Variants in PSG3 observed in about 807,000 individuals in gnomAD.
PSG3 encodes pregnancy specific beta-1-glycoprotein 3, also known as pregnancy-specific beta-1-glycoprotein 3.
Under a neutral mutation model 47.5 loss-of-function variants are expected in PSG3, and 61 were observed. The ratio of observed to expected loss-of-function variants is 1.28; its 90% confidence interval spans 1.05 to 1.59. The LOEUF (loss-of-function observed/expected upper bound fraction) is 1.59, where lower values mean the gene tolerates loss of function less well. Among genes scored for constraint, PSG3 ranks in the 40% most tolerant of loss-of-function variants. The pLI is 0.00. For synonymous variants in PSG3, 263 were observed against 198.4 expected (o/e 1.33, Z -2.74); for missense variants, 756 against 524.0 (o/e 1.44, Z -4.32).
chr19:42,722,453 A>G (rs1385003644), intron 6 of PSG3, among the ~76,000 whole-genome samples: 6 of 152,192 alleles, frequency 3.9e-5, no homozygotes, highest in African/African-American at 1.4e-4. Context: ...ATGGGGTTTC[A>G]CCGTGTTAGC....
intron 1 of PSG3, 133 bp from the exon 2 acceptor site, chr19:42,739,222 A>T (rs376164780): frequency 2.2e-6 from 3 of 1,349,080 alleles, no homozygotes; most frequent in Non-Finnish European, 3.0e-6. Context: ...ACAAACACAC[A>T]CACACACACA....
chr19:42,725,572 A>C lies in PSG3; in HGVS notation c.1244-1547T>G, dbSNP rs1004153957. On this transcript the variant is annotated intron_variant, in intron 5 of 6. Coordinates refer to ENST00000327495, the MANE Select transcript of PSG3 (RefSeq NM_021016.4). Reference sequence around the variant, plus strand: ...TTAAAATTCCTAAAATCAGAAATGAAAATGGACTCTGAGCATGGTGGGTCA... The same window carrying C: ...TTAAAATTCCTAAAATCAGAAATGACAATGGACTCTGAGCATGGTGGGTCA... Among the ~76,000 whole-genome samples, 110 of 152,330 alleles carry C rather than the reference A, an allele frequency of 7.2e-4. 1 individual carries two copies. Among genetic ancestry groups the C allele is most frequent in the African/African-American group, 2.6e-3 (109 of 41,574 alleles).
intron 6 of PSG3, among the ~76,000 whole-genome samples, chr19:42,722,743 A>T (rs187867720): frequency 9.2e-5 from 14 of 152,284 alleles, no homozygotes; most frequent in East Asian, 3.9e-4. Context: ...GGGCCAAAAA[A>T]GTATAGTCTT....
Position 42,729,319 on chromosome 19 carries a change from G to A in PSG3, c.1047C>T (p.Asn349=). 6.2e-7 allele frequency: 1 copy of A among 1,614,148 alleles called. No individual in the cohort carries two copies. The highest frequency in any genetic ancestry group is 2.2e-5 in the East Asian group (1 of 44,890). ...PSFTYYHSGE[N]LYLSCFADSN... ...AGTCCGCGAAGCAGGACAAGTAGAGGTTTTCTCCTGAATGGTAATAGGTGA... is the reference window on the plus strand; with the variant it reads ...AGTCCGCGAAGCAGGACAAGTAGAGATTTTCTCCTGAATGGTAATAGGTGA... The change falls in exon 5 of 7, where the codon AAC becomes AAT. Residue 349 remains asparagine, a synonymous_variant. Coordinates refer to ENST00000327495, the MANE Select transcript of PSG3 (RefSeq NM_021016.4).
At chr19:42,732,655 C>T (rs1969491213) in intron 3 of PSG3, 129 bp downstream of exon 3, 8 of 1,604,722 alleles carry the variant, frequency 5.0e-6, no homozygotes, top group Non-Finnish European at 6.8e-6. Context: ...GGCAGAAAGT[C>T]ATGGCCAGGT....
At chr19:42,730,541 G>C (rs1478049101) in intron 3 of PSG3, among the ~76,000 whole-genome samples, 1 of 152,192 alleles carries the variant, frequency 6.6e-6, no homozygotes, top group South Asian at 2.1e-4. Flanking sequence ...TGAAGATACT[G>C]AGCAGCCTGG....
chr19:42,730,251 T>C (rs1363123772), intron 3 of PSG3, among the ~76,000 whole-genome samples, 195 bp from the exon 4 acceptor site: 2 of 152,162 alleles, frequency 1.3e-5, no homozygotes, highest in Non-Finnish European at 2.9e-5. Context: ...TGCTCTGTCT[T>C]AGGGAAGCAC....
intron 2 of PSG3, among the ~76,000 whole-genome samples, chr19:42,737,265 GT>G (rs899573711): frequency 6.6e-6 from 1 of 152,312 alleles, no homozygotes; most frequent in Admixed American, 6.5e-5. Context: ...CAAGGGACAG[GT>G]GTGGCTAGAA....
At position 42,729,252 on chromosome 19, in the gene PSG3, A is replaced by T. The variant is rs144526077; in HGVS notation, c.1114T>A (p.Phe372Ile). 1 of 1,614,040 alleles carries T rather than the reference A, an allele frequency of 6.2e-7. No homozygotes were observed. The highest frequency in any genetic ancestry group is 1.1e-5 in the South Asian group (1 of 91,076). Residue 372 changes from phenylalanine (F) to isoleucine (I), a missense_variant, in exon 5 of 7, where the codon TTT (phenylalanine) becomes ATT (isoleucine). Physicochemically the swap from Phe to Ile is conservative, Grantham distance 21. Coordinates refer to ENST00000327495, the MANE Select transcript of PSG3 (RefSeq NM_021016.4). ...AAGAGCTTTTGTCCTGATAGCTGAA[A>T]CTTCCCATTAATTGTCCAAGAATAT... ...AEYSWTINGK[F>I]QLSGQKLFIP...
At chr19:42,740,266 C>A (rs1277867003) in intron 1 of PSG3, 55 bp downstream of exon 1, 1 of 1,613,518 alleles carries the variant, frequency 6.2e-7, no homozygotes, top group Admixed American at 1.7e-5. Context: ...CAGGAGACCC[C>A]ATCCAGTCAC....
rs771778877 is a variant in PSG3, at chr19:42,729,904, G to A, written c.862C>T (p.Arg288Ter). The change falls in exon 4 of 7, where the codon CGA (arginine) becomes TGA (stop). Residue 288 changes from arginine (R) to a stop codon, truncating the protein, a stop_gained. Transcript: ENST00000327495. LOFTEE classifies it high-confidence loss of function. ...ATGAGGATCCTGTTTTCAATGGGTC[G>A]CTTTACCCTGGGACTGACCGGGAGG... ...QSLPVSPRVK[R>*]PIENRILILP... The A allele has an allele frequency of 3.8e-5, 61 of 1,612,138 alleles. No homozygotes were observed. In the East Asian group the frequency reaches 9.4e-4, roughly 25 times the overall value.
rs377318657 is a variant in PSG3, at chr19:42,729,845, G to A, written c.921C>T (p.Pro307=). ...LPSVTRNETG[P]YQCEIQDRYG... is the part of the protein sequence containing the mutation. The stretch of plus-strand genomic sequence containing the variant: ...ATCGGTCCTGTATTTCACATTGATA[G>A]GGTCCTGTTTCATTTCTCGTGACAC... Residue 307 remains proline (P), a synonymous_variant, in exon 4 of 7, where the codon CCC becomes CCT. Coordinates refer to ENST00000327495, the MANE Select transcript of PSG3 (RefSeq NM_021016.4). The A allele has an allele frequency of 8.7e-6, 14 of 1,613,374 alleles. No individual in the cohort carries two copies. The highest frequency in any genetic ancestry group is 4.0e-5 in the African/African-American group (3 of 74,896).
intron 3 of PSG3, among the ~76,000 whole-genome samples, chr19:42,731,610 A>G (rs1466886822): frequency 6.6e-6 from 1 of 151,958 alleles, no homozygotes; most frequent in Non-Finnish European, 1.5e-5. Flanking sequence ...GCAGTCATTA[A>G]TAAGAGCCTG....
At chr19:42,722,803 A>T (rs75108725) in intron 6 of PSG3, among the ~76,000 whole-genome samples, 7,391 of 152,266 alleles carry the variant, frequency 0.049, 255 homozygotes, top group South Asian at 0.13. Flanking sequence ...CCAGCTGAAC[A>T]TCATTGATTT....
Position 42,738,481 on chromosome 19 carries a change from G to GCTGTCCT in PSG3, c.430+242_430+243insAGGACAG, listed in dbSNP as rs568061082. On this transcript the variant is annotated intron_variant, in intron 2 of 6. Transcript: ENST00000327495. ...GCTTGGCTGAGACTGATCTCCTCCT[G>GCTGTCCT]CTGAGTCCCCCCATCAGACTGTCCT... Among the ~76,000 whole-genome samples the GCTGTCCT allele has an allele frequency of 8.5e-5, 13 of 152,296 alleles. No homozygotes were observed. The East Asian group carries it at 2.5e-3, about 29-fold the overall frequency.
chr19:42,727,963 A>T (rs555221991), intron 5 of PSG3, among the ~76,000 whole-genome samples: 1 of 152,372 alleles, frequency 6.6e-6, no homozygotes, highest in African/African-American at 2.4e-5. Context: ...ATTCCAATAC[A>T]TAGTGCAAAG....
At chr19:42,725,497 A>G (rs1446379082) in intron 5 of PSG3, among the ~76,000 whole-genome samples, 1 of 152,222 alleles carries the variant, frequency 6.6e-6, no homozygotes, top group East Asian at 1.9e-4. Flanking sequence ...AATAAAATCA[A>G]CAAAATTGAC....
At chr19:42,731,020 C>T (rs1326997097) in intron 3 of PSG3, among the ~76,000 whole-genome samples, 1 of 152,140 alleles carries the variant, frequency 6.6e-6, no homozygotes, top group African/African-American at 2.4e-5. Flanking sequence ...TCAATGATTC[C>T]ATGGGTTCGA....
rs372506336 is a variant in PSG3, at chr19:42,737,233, G to A, written c.430+1491C>T. 4.3e-4 allele frequency among the ~76,000 whole-genome samples: 66 copies of A among 152,160 alleles called. 2 individuals carry two copies. The highest frequency in any genetic ancestry group is 1.7e-3 in the East Asian group (9 of 5,168). ...TCAAGAGGTAGTGGGGGGATGAAAC[G>A]TGGGTGTCAGCCTCTGAAGGACAAG... On this transcript the variant is annotated intron_variant, in intron 2 of 6. Transcript: ENST00000327495.
Sources: gnomAD v4.1 joint callset for allele counts (sites outside exome capture counted in the v4.1 genomes callset) on GRCh38, gnomAD v4.1.1 for gene constraint, MANE v1.5 for transcripts, NCBI Gene and HGNC (gene_info 2026-07-23, HGNC 2026-07-21) for gene names.